Variants in CLNK observed in about 807,000 individuals in gnomAD.
CLNK encodes the protein cytokine-dependent hematopoietic cell linker.
In CLNK, 74 loss-of-function variants were observed where a neutral mutation model predicts 68.6. That is an observed-to-expected ratio of 1.08 (90% CI 0.89 to 1.31). The LOEUF is 1.31. Ranked by LOEUF, CLNK falls within the 50% of genes most tolerant of loss-of-function variation. CLNK has a pLI of 0.00. For synonymous variants in CLNK, 198 were observed against 172.2 expected (o/e 1.15, Z -1.17); for missense variants, 553 against 515.3 (o/e 1.07, Z -0.71).
rs1162169365 is a variant in CLNK, at chr4:10,593,211, ACC to A, written c.83+4765_83+4766del. Reference sequence around the variant, plus strand: ...GAGGTGGGCCACAGTGAGAAAAGTGACCCTTATGGCTCTCTCAGTGCTGCAGA... The same window carrying A: ...GAGGTGGGCCACAGTGAGAAAAGTGACTTATGGCTCTCTCAGTGCTGCAGA... On this transcript the variant is annotated intron_variant, in intron 3 of 18. Coordinates refer to ENST00000226951, the MANE Select transcript of CLNK (RefSeq NM_052964.4). 2.8e-3 allele frequency among the ~76,000 whole-genome samples: 423 copies of A among 152,194 alleles called. 2 individuals carry two copies. Among genetic ancestry groups the A allele is most frequent in the African/African-American group, 9.9e-3 (410 of 41,522 alleles).
At chr4:10,680,606 G>T (rs1490985754) in intron 1 of CLNK, among the ~76,000 whole-genome samples, 3 of 152,058 alleles carry the variant, frequency 2.0e-5, no homozygotes, top group African/African-American at 4.8e-5. Flanking sequence ...TAATAATAAT[G>T]CTAAGAATGA....
At chr4:10,593,086 A>G (rs1454311694) in intron 3 of CLNK, among the ~76,000 whole-genome samples, 1 of 152,186 alleles carries the variant, frequency 6.6e-6, no homozygotes, top group African/African-American at 2.4e-5. Flanking sequence ...GTGGAACAAC[A>G]CATTTTCTTC....
At chr4:10,545,575 C>G (rs1719194341) in intron 8 of CLNK, among the ~76,000 whole-genome samples, 1 of 152,120 alleles carries the variant, frequency 6.6e-6, no homozygotes, top group East Asian at 1.9e-4. Context: ...CAGGCTCACT[C>G]CCATTACCAT....
chr4:10,581,314 T>C (rs1720770277), intron 4 of CLNK, among the ~76,000 whole-genome samples: 1 of 152,176 alleles, frequency 6.6e-6, no homozygotes, highest in Non-Finnish European at 1.5e-5. Context: ...TGTGTATGTA[T>C]ATATATGTGT....
chr4:10,722,468 A>G, the CLNK span, among the ~76,000 whole-genome samples: 1 of 152,038 alleles, frequency 6.6e-6, no homozygotes, highest in African/African-American at 2.4e-5. Context: ...TCCTTTCTCC[A>G]CTTGTCAACC....
chr4:10,644,453 G>T (rs544884297), intron 2 of CLNK, among the ~76,000 whole-genome samples: 11 of 152,250 alleles, frequency 7.2e-5, no homozygotes, highest in Non-Finnish European at 1.2e-4. Context: ...TTTTATAGAT[G>T]AGAAAAGTGA....
intron 2 of CLNK, among the ~76,000 whole-genome samples, chr4:10,610,033 GTTTTTTTTTTTTTTTTTTTTT>G (rs71181047): frequency 4.4e-4 from 32 of 73,448 alleles, no homozygotes; most frequent in African/African-American, 1.7e-3. Context: ...ATGAATGCTC[GTTTTTTTTTTTTTTTTTTTTT>G]TTTTTTTTTT....
At chr4:10,637,849 G>A (rs930973546) in intron 2 of CLNK, among the ~76,000 whole-genome samples, 5 of 150,916 alleles carry the variant, frequency 3.3e-5, no homozygotes, top group African/African-American at 9.8e-5. Flanking sequence ...TGATTCACCC[G>A]CCTCAGCCTC....
Position 10,628,480 on chromosome 4 carries a change from G to A in CLNK, c.12-30431C>T, listed in dbSNP as rs567520353. Among the ~76,000 whole-genome samples the A allele has an allele frequency of 1.2e-4, 18 of 152,058 alleles. No homozygotes were observed. The South Asian group carries it at 1.2e-3, about 11-fold the overall frequency. ...TTGATGTTAACTTTGTCAAAGTCAG[G>A]GTCTGTTTCTCCTTTGCTCTCCAGA... On this transcript the variant is annotated intron_variant, in intron 2 of 18. Transcript: ENST00000226951.
At chr4:10,541,752 C>T (rs80292866) in intron 10 of CLNK, among the ~76,000 whole-genome samples, 6,151 of 151,774 alleles carry the variant, frequency 0.041, 313 homozygotes, top group East Asian at 0.13. Context: ...CAGAAAAAAA[C>T]GGGAGGAATA....
the CLNK span, among the ~76,000 whole-genome samples, chr4:10,705,707 G>A: frequency 6.6e-6 from 1 of 152,154 alleles, no homozygotes; most frequent in Non-Finnish European, 1.5e-5. Context: ...TCAATCTTAA[G>A]GTCAGTTGAT....
chr4:10,588,361 T>C (rs1721060470), intron 3 of CLNK, among the ~76,000 whole-genome samples: 1 of 152,190 alleles, frequency 6.6e-6, no homozygotes, highest in Non-Finnish European at 1.5e-5. Context: ...AAACTAGTGC[T>C]AAAAAGCATG....
intron 15 of CLNK, among the ~76,000 whole-genome samples, chr4:10,514,358 A>C (rs374046114): frequency 6.6e-6 from 1 of 152,288 alleles, no homozygotes; most frequent in Non-Finnish European, 1.5e-5. Context: ...ATTTATAGTC[A>C]TTTGGGTATA....
chr4:10,699,513 T>TATA, the CLNK span, among the ~76,000 whole-genome samples: 108 of 62,030 alleles, frequency 1.7e-3, 5 homozygotes, highest in East Asian at 6.8e-3. Flanking sequence ...TATATATATA[T>TATA]TTTTTTTTTT....
intron 16 of CLNK, 42 bp from the exon 17 acceptor site, chr4:10,508,078 GA>G (rs758426928): frequency 7.0e-6 from 10 of 1,434,594 alleles, no homozygotes; most frequent in Non-Finnish European, 9.6e-6. Context: ...GGGTCAATGG[GA>G]AGTATGAATT....
At chr4:10,584,801 C>A (rs2108836834) in intron 4 of CLNK, 126 bp downstream of exon 4, 2 of 979,416 alleles carry the variant, frequency 2.0e-6, no homozygotes, top group Admixed American at 2.1e-5. Flanking sequence ...AATGGCATTA[C>A]TAGCTAATGT....
intron 4 of CLNK, among the ~76,000 whole-genome samples, chr4:10,584,190 C>T (rs980574497): frequency 6.6e-6 from 1 of 152,204 alleles, no homozygotes; most frequent in Non-Finnish European, 1.5e-5. Flanking sequence ...CCAGTTCTCC[C>T]AGCTGCTGGG....
chr4:10,557,820 G>A (rs1719735666), intron 8 of CLNK, among the ~76,000 whole-genome samples: 1 of 152,182 alleles, frequency 6.6e-6, no homozygotes, highest in South Asian at 2.1e-4. Flanking sequence ...GTGAATCTTG[G>A]CATTGTCATC....
chr4:10,599,959 A>G (rs1721529138), intron 2 of CLNK, among the ~76,000 whole-genome samples: 1 of 152,210 alleles, frequency 6.6e-6, no homozygotes, highest in South Asian at 2.1e-4. Flanking sequence ...ATAGCAGAAT[A>G]TTATCAAGTC....
Sources: allele counts gnomAD v4.1 joint callset (sites outside exome capture counted in the v4.1 genomes callset), GRCh38; gene constraint gnomAD v4.1.1; transcripts MANE v1.5; gene names NCBI Gene and HGNC (gene_info 2026-07-23, HGNC 2026-07-21).